Variants in NME7 observed in about 807,000 individuals in gnomAD.
The protein encoded by NME7 is NME/NM23 family member 7, also known as nucleoside diphosphate kinase 7.
A neutral mutation model predicts 49.1 loss-of-function variants in NME7; 41 were observed. The ratio of observed to expected loss-of-function variants is 0.83; its 90% CI spans 0.65 to 1.08. The LOEUF (loss-of-function observed/expected upper bound fraction) is 1.08, where lower values mean the gene tolerates loss of function less well. Among genes scored for constraint, NME7 ranks in the 50% least tolerant of loss-of-function variants. The probability of loss-of-function intolerance (pLI) is 0.00; values close to 1 mark genes in which losing one functional copy is unlikely to be tolerated. For synonymous variants in NME7, 139 were observed against 150.6 expected (o/e 0.92, Z 0.56); for missense variants, 423 against 463.4 (o/e 0.91, Z 0.80).
chr1:169,257,498 G>T (rs10919115), intron 7 of NME7, among the ~76,000 whole-genome samples: 15,739 of 126,806 alleles, frequency 0.12, 4,346 homozygotes, highest in Admixed American at 0.26. Flanking sequence ...CAGTACCTCA[G>T]ATGTAAATGC....
Position 169,323,173 on chromosome 1 carries a change from T to G in NME7, c.222A>C (p.Val74=). ...TATATTGATCCCCATAGTCAATTAA[T>G]ACCAGTTGTCGAGAAAAGACATTCA... is the stretch of plus-strand genomic sequence containing the variant. ...NKVNVFSRQL[V]LIDYGDQYTA... The change falls in exon 3 of 12, where the codon GTA becomes GTC. Residue 74 remains valine (V), a synonymous_variant. Transcript: ENST00000367811. The G allele has an allele frequency of 6.2e-7, 1 of 1,609,820 alleles. No individual in the cohort carries two copies. The highest frequency in any genetic ancestry group is 8.5e-7 in the Non-Finnish European group (1 of 1,178,128).
chr1:169,253,485 A>T (rs1470286696), intron 7 of NME7, among the ~76,000 whole-genome samples: 8 of 151,960 alleles, frequency 5.3e-5, no homozygotes, highest in Admixed American at 1.3e-4. Context: ...GGTTTTCTAG[A>T]TATACAATCA....
chr1:169,165,392 A>G (rs1221244561), intron 11 of NME7, among the ~76,000 whole-genome samples: 1 of 152,204 alleles, frequency 6.6e-6, no homozygotes, highest in Non-Finnish European at 1.5e-5. Context: ...CCCATGACAC[A>G]TAGCTCAGTA....
rs955633325 is a variant in NME7 at position 169,143,112 on chromosome 1, G to A, written c.1099-10295C>T. Among the ~76,000 whole-genome samples the A allele has an allele frequency of 7.2e-5, 11 of 152,140 alleles. No individual in the cohort carries two copies. The South Asian group carries it at 1.5e-3, about 20-fold the overall frequency. ...CCCCCTTCAGTCCATTTTCCACATG[G>A]TAACTGGAGAGACCTCTTAAAAACT... On this transcript the variant is annotated intron_variant, in intron 11 of 11. Transcript: ENST00000367811.
chr1:169,171,055 A>C (rs1659572235), intron 10 of NME7, among the ~76,000 whole-genome samples: 1 of 152,220 alleles, frequency 6.6e-6, no homozygotes, highest in Non-Finnish European at 1.5e-5. Flanking sequence ...AGGGAAAAAA[A>C]CACTTTTAAA....
At chr1:169,334,942 G>A (rs555519562) in intron 1 of NME7, among the ~76,000 whole-genome samples, 21 of 152,246 alleles carry the variant, frequency 1.4e-4, no homozygotes, top group African/African-American at 3.1e-4. Flanking sequence ...AGACATTTAT[G>A]TGGCCAACAA....
chr1:169,150,556 C>T (rs1658883391), intron 11 of NME7, among the ~76,000 whole-genome samples: 2 of 152,074 alleles, frequency 1.3e-5, no homozygotes, highest in South Asian at 4.1e-4. Flanking sequence ...ATGGAACAAG[C>T]TTTTGATTTT....
chr1:169,135,013 A>C (rs12729048), intron 11 of NME7, among the ~76,000 whole-genome samples: 1 of 112,086 alleles, frequency 8.9e-6, no homozygotes, highest in Non-Finnish European at 1.9e-5. Context: ...CCCCGTCTCT[A>C]CAAAAAAAAA....
intron 7 of NME7, among the ~76,000 whole-genome samples, chr1:169,254,113 G>C (rs1467083778): frequency 6.7e-6 from 1 of 149,554 alleles, no homozygotes; most frequent in Non-Finnish European, 1.5e-5. Flanking sequence ...TTTTTCTATT[G>C]ATTGGAATAG....
chr1:169,312,905 A>G (rs1323360050), intron 3 of NME7, among the ~76,000 whole-genome samples: 1 of 152,210 alleles, frequency 6.6e-6, no homozygotes, highest in Non-Finnish European at 1.5e-5. Flanking sequence ...TAAATATTCT[A>G]TTCTAAACCT....
chr1:169,289,581 T>C (rs1401597118), intron 6 of NME7, among the ~76,000 whole-genome samples: 1 of 152,124 alleles, frequency 6.6e-6, no homozygotes, highest in Non-Finnish European at 1.5e-5. Context: ...CTTTCCAAAG[T>C]AAAAAGCAGT....
In NME7 at chr1:169,237,445, G is replaced by A. The variant is rs146374221; in HGVS notation, c.819+178C>T. Among the ~76,000 whole-genome samples, 115 of 152,060 alleles carry A rather than the reference G, an allele frequency of 7.6e-4. 1 individual carries two copies. In the East Asian group the frequency reaches 0.02, roughly 27 times the overall value. ...TACTTCTCTCAGTAAAATATTATAT[G>A]GGAAAAATCATTTCAAAAACCATTT... On this transcript the variant is annotated intron_variant, in intron 8 of 11. Transcript: ENST00000367811.
intron 10 of NME7, among the ~76,000 whole-genome samples, chr1:169,221,290 A>G (rs1430675084): frequency 1.3e-5 from 2 of 152,148 alleles, no homozygotes; most frequent in Non-Finnish European, 2.9e-5. Flanking sequence ...ATTCTTTTAA[A>G]ATCAAATTAT....
At chr1:169,237,262 C>A (rs1281917639) in intron 8 of NME7, among the ~76,000 whole-genome samples, 1 of 152,032 alleles carries the variant, frequency 6.6e-6, no homozygotes, top group East Asian at 1.9e-4. Context: ...AGTGAAGAAT[C>A]CAGAAGACAG....
At chr1:169,157,928 A>G (rs931154226) in intron 11 of NME7, among the ~76,000 whole-genome samples, 2 of 152,136 alleles carry the variant, frequency 1.3e-5, no homozygotes, top group Non-Finnish European at 2.9e-5. Flanking sequence ...AATTTGTTTA[A>G]GTTTTGTATA....
At chr1:169,252,904 C>G (rs1304686350) in intron 7 of NME7, among the ~76,000 whole-genome samples, 1 of 149,500 alleles carries the variant, frequency 6.7e-6, no homozygotes, top group African/African-American at 2.5e-5. Flanking sequence ...GGGCTCTGTT[C>G]TGTTCCATTG....
intron 10 of NME7, among the ~76,000 whole-genome samples, chr1:169,229,876 C>G (rs1290616613): frequency 1.3e-5 from 2 of 151,804 alleles, no homozygotes; most frequent in African/African-American, 4.8e-5. Context: ...GCAGGAGAAT[C>G]ACTAGAGCCC....
rs576974855 is a variant in NME7 at position 169,360,465 on chromosome 1, T to C, written c.3+7243A>G. On this transcript the variant is annotated intron_variant, in intron 1 of 11. Transcript: ENST00000367811. ...GTAAAATATATAAGATGTATAATACTACTGCATTTAGAATAAAATCCAAAA... is the reference window on the plus strand; with the variant it reads ...GTAAAATATATAAGATGTATAATACCACTGCATTTAGAATAAAATCCAAAA... 7.2e-5 allele frequency among the ~76,000 whole-genome samples: 11 copies of C among 152,350 alleles called. No individual in the cohort carries two copies. The South Asian group carries it at 2.1e-3, about 29-fold the overall frequency.
chr1:169,230,946 T>C, intron 9 of NME7, 127 bp from the exon 10 acceptor site: 1 of 515,488 alleles, frequency 1.9e-6, no homozygotes, highest in Non-Finnish European at 3.3e-6. Flanking sequence ...ATATCCCACA[T>C]ATCAAGCAGT....
Sources: allele counts gnomAD v4.1 joint callset (sites outside exome capture counted in the v4.1 genomes callset), GRCh38; gene constraint gnomAD v4.1.1; transcripts MANE v1.5; gene names NCBI Gene and HGNC (gene_info 2026-07-23, HGNC 2026-07-21).